Variants in IMMP2L observed in about 807,000 individuals in gnomAD.
IMMP2L encodes the protein mitochondrial inner membrane protease subunit 2.
A neutral mutation model predicts 19.3 loss-of-function variants in IMMP2L; 18 were observed. The ratio of observed to expected loss-of-function variants is 0.93; its 90% CI spans 0.64 to 1.38. The LOEUF is 1.38. IMMP2L is among the 40% of genes most tolerant of loss of function. IMMP2L has a pLI of 0.00. For synonymous variants in IMMP2L, 76 were observed against 73.0 expected, an observed-to-expected ratio of 1.04 and a Z score of -0.21; for missense variants, 233 against 218.2, an observed-to-expected ratio of 1.07 and a Z score of -0.43.
chr7:111,384,495 C>G (rs1421184780), intron 3 of IMMP2L, among the ~76,000 whole-genome samples: 2 of 152,100 alleles, frequency 1.3e-5, no homozygotes, highest in Non-Finnish European at 2.9e-5. Context: ...TCCCAAACTC[C>G]TAAAGCACTT....
intron 3 of IMMP2L, among the ~76,000 whole-genome samples, chr7:111,423,167 G>A (rs979104142): frequency 3.3e-5 from 5 of 151,820 alleles, no homozygotes; most frequent in Admixed American, 1.3e-4. Context: ...AGGGATATTG[G>A]TCTAAAATTC....
intron 3 of IMMP2L, among the ~76,000 whole-genome samples, chr7:111,189,363 C>CA (rs1325480361): frequency 1.3e-4 from 10 of 79,098 alleles, no homozygotes; most frequent in African/African-American, 4.9e-4. Context: ...TGTCACCCAC[C>CA]TTTTTTAATG....
intron 3 of IMMP2L, among the ~76,000 whole-genome samples, chr7:111,321,740 A>AC (rs1824740348): frequency 6.6e-6 from 1 of 151,974 alleles, no homozygotes; most frequent in Non-Finnish European, 1.5e-5. Context: ...CTCTTAGCAG[A>AC]CTCACTCTTC....
intron 5 of IMMP2L, among the ~76,000 whole-genome samples, chr7:110,840,324 A>T (rs1022901522): frequency 6.6e-6 from 1 of 152,080 alleles, no homozygotes; most frequent in South Asian, 2.1e-4. Flanking sequence ...AATTCCACCA[A>T]ATTGAATGTG....
chr7:111,031,125 G>A (rs1458738733), intron 3 of IMMP2L, among the ~76,000 whole-genome samples: 1 of 151,682 alleles, frequency 6.6e-6, no homozygotes, highest in African/African-American at 2.4e-5. Context: ...ATATAGTAAT[G>A]TTTATAGTTA....
At chr7:111,413,489 A>G (rs1834639039) in intron 3 of IMMP2L, among the ~76,000 whole-genome samples, 1 of 51,302 alleles carries the variant, frequency 1.9e-5, no homozygotes. Context: ...CCAGCAATAT[A>G]AAAAAAAAAT....
At chr7:111,276,378 G>A (rs943585195) in intron 3 of IMMP2L, among the ~76,000 whole-genome samples, 4 of 151,986 alleles carry the variant, frequency 2.6e-5, no homozygotes, top group Non-Finnish European at 4.4e-5. Context: ...TTGTGTCTAT[G>A]GTCATCAGAG....
chr7:111,008,584 C>T (rs1202493205), intron 3 of IMMP2L, among the ~76,000 whole-genome samples: 1 of 151,984 alleles, frequency 6.6e-6, no homozygotes, highest in East Asian at 1.9e-4. Flanking sequence ...CACGTGCACA[C>T]ACACACACAC....
intron 3 of IMMP2L, among the ~76,000 whole-genome samples, chr7:111,066,353 G>A (rs2129574932): frequency 6.6e-6 from 1 of 152,126 alleles, no homozygotes; most frequent in East Asian, 1.9e-4. Flanking sequence ...AAATACTATT[G>A]AGTGAATATT....
intron 3 of IMMP2L, among the ~76,000 whole-genome samples, chr7:110,976,150 C>T (rs919848954): frequency 6.6e-6 from 1 of 151,850 alleles, no homozygotes; most frequent in Admixed American, 6.6e-5. Flanking sequence ...TACATATTTG[C>T]TTATCTATAT....
At chr7:110,961,458 C>T (rs578126614) in intron 4 of IMMP2L, among the ~76,000 whole-genome samples, 1 of 147,140 alleles carries the variant, frequency 6.8e-6, no homozygotes, top group African/African-American at 2.5e-5. Context: ...AGTACAGACA[C>T]AACTATCATT....
At chr7:111,233,672 A>T (rs2129625412) in intron 3 of IMMP2L, among the ~76,000 whole-genome samples, 1 of 152,256 alleles carries the variant, frequency 6.6e-6, no homozygotes, top group Admixed American at 6.5e-5. Context: ...TTTGAATAGT[A>T]TCAGATTGGC....
chr7:110,845,838 C>T (rs935649736), intron 5 of IMMP2L, among the ~76,000 whole-genome samples: 9 of 152,062 alleles, frequency 5.9e-5, no homozygotes, highest in Non-Finnish European at 1.3e-4. Flanking sequence ...CCCTCATGAA[C>T]GAGACTAGTG....
chr7:111,049,210 A>T (rs537105243), intron 3 of IMMP2L, among the ~76,000 whole-genome samples: 1 of 139,688 alleles, frequency 7.2e-6, no homozygotes, highest in Admixed American at 7.9e-5. Context: ...GGCTCACTGC[A>T]AGCTCCGCCT....
At position 110,877,563 on chromosome 7, in the gene IMMP2L, A is replaced by C. The variant is rs1262990937; in HGVS notation, c.408+9030T>G. Among the ~76,000 whole-genome samples, 1 of 152,188 alleles carries C rather than the reference A, an allele frequency of 6.6e-6. No homozygotes were observed. Reference sequence around the variant, plus strand: ...TTTATGGAATGATCAAGGCATAGGCAGGTAAGACGGATCTGGAAAATTTGG... The same window carrying C: ...TTTATGGAATGATCAAGGCATAGGCCGGTAAGACGGATCTGGAAAATTTGG... On this transcript the variant is annotated intron_variant, in intron 5 of 5. Transcript: ENST00000405709. The surrounding 1 kb of genome is among the most constrained non-coding windows in gnomAD (Gnocchi z 4.0).
chr7:110,851,744 C>T (rs951608093), intron 5 of IMMP2L, among the ~76,000 whole-genome samples: 1 of 151,938 alleles, frequency 6.6e-6, no homozygotes, highest in East Asian at 1.9e-4. Context: ...AAATTCTTAG[C>T]TAAAAGAAAT....
intron 3 of IMMP2L, among the ~76,000 whole-genome samples, chr7:111,170,304 T>C (rs1806290197): frequency 6.6e-6 from 1 of 151,796 alleles, no homozygotes; most frequent in African/African-American, 2.4e-5. Flanking sequence ...AATCTAGATG[T>C]ACAGGAAACA....
intron 3 of IMMP2L, among the ~76,000 whole-genome samples, chr7:111,150,214 C>A (rs1803925031): frequency 6.6e-6 from 1 of 152,084 alleles, no homozygotes; most frequent in Non-Finnish European, 1.5e-5. Context: ...AAGATACATG[C>A]TCTCTATTTT....
At chr7:110,961,549 C>T (rs1385659766) in intron 4 of IMMP2L, among the ~76,000 whole-genome samples, 1 of 151,064 alleles carries the variant, frequency 6.6e-6, no homozygotes, top group Non-Finnish European at 1.5e-5. Context: ...AGAGGGCCAA[C>T]TGTATACCCG....
Sources: gnomAD v4.1 joint callset for allele counts (sites outside exome capture counted in the v4.1 genomes callset) on GRCh38, gnomAD v4.1.1 for gene constraint, Gnocchi (gnomAD v3.1) non-coding constraint, MANE v1.5 for transcripts, NCBI Gene and HGNC (gene_info 2026-07-23, HGNC 2026-07-21) for gene names.